Variants in LOC122539214 observed in about 807,000 individuals in gnomAD.
the LOC122539214 span, among the ~76,000 whole-genome samples, chr19:52,668,693 T>C: frequency 6.6e-6 from 1 of 152,154 alleles, no homozygotes; most frequent in East Asian, 1.9e-4. Flanking sequence ...AAGATGTAAA[T>C]GCCTGGCTAA....
the LOC122539214 span, among the ~76,000 whole-genome samples, chr19:52,689,484 T>C: frequency 6.6e-6 from 1 of 152,112 alleles, no homozygotes; most frequent in African/African-American, 2.4e-5. Context: ...CTCTGCTCTG[T>C]CTGCCCTGGC....
the LOC122539214 span, among the ~76,000 whole-genome samples, chr19:52,664,299 C>T: frequency 6.6e-6 from 1 of 151,648 alleles, no homozygotes; most frequent in African/African-American, 2.4e-5. Context: ...AGTTCGAGAC[C>T]AGCCTGGGCA....
chr19:52,659,677 G>T, the LOC122539214 span, among the ~76,000 whole-genome samples: 6 of 149,332 alleles, frequency 4.0e-5, no homozygotes, highest in Non-Finnish European at 8.9e-5. Flanking sequence ...GAACAGAAAA[G>T]CTTGTTGGAA....
At chr19:52,687,809 A>T in the LOC122539214 span, among the ~76,000 whole-genome samples, 1 of 149,174 alleles carries the variant, frequency 6.7e-6, no homozygotes, top group African/African-American at 2.5e-5. Context: ...CGAGTGATAC[A>T]GCCAGACCCT....
the LOC122539214 span, among the ~76,000 whole-genome samples, chr19:52,666,618 CAAAAAAAA>C: frequency 9.5e-6 from 1 of 105,802 alleles, no homozygotes; most frequent in African/African-American, 3.4e-5. Flanking sequence ...TATCCTAAGT[CAAAAAAAA>C]AAAAAAAAAA....
chr19:52,666,601 G>T, the LOC122539214 span, among the ~76,000 whole-genome samples: 1 of 115,044 alleles, frequency 8.7e-6, no homozygotes, highest in Non-Finnish European at 1.7e-5. Flanking sequence ...CCTCATCAAG[G>T]AAGAACTATC....
At chr19:52,671,423 G>A in the LOC122539214 span, among the ~76,000 whole-genome samples, 12 of 151,960 alleles carry the variant, frequency 7.9e-5, no homozygotes, top group Admixed American at 3.9e-4. Context: ...ATTAGAAAAT[G>A]TACCTTTTAT....
the LOC122539214 span, among the ~76,000 whole-genome samples, chr19:52,685,834 G>T: frequency 6.8e-6 from 1 of 146,952 alleles, no homozygotes; most frequent in African/African-American, 2.4e-5. Flanking sequence ...GGAGGCAAAT[G>T]TTTCTGCAAG....
At chr19:52,651,796 T>A in the LOC122539214 span, 370 of 154,224 alleles carry the variant, frequency 2.4e-3, no homozygotes, top group Non-Finnish European at 4.0e-3. Context: ...CTCAAACTGC[T>A]GACCTCAAGT....
At chr19:52,663,321 C>A in the LOC122539214 span, among the ~76,000 whole-genome samples, 2 of 152,110 alleles carry the variant, frequency 1.3e-5, no homozygotes. Context: ...CAATTGTGAA[C>A]CCCTAGCTAT....
chr19:52,683,972 G>A, the LOC122539214 span, among the ~76,000 whole-genome samples: 4 of 152,198 alleles, frequency 2.6e-5, no homozygotes, highest in Admixed American at 6.5e-5. Context: ...AGTGACTCCC[G>A]TCTGCAATTC....
At chr19:52,673,389 G>C in the LOC122539214 span, among the ~76,000 whole-genome samples, 6 of 152,110 alleles carry the variant, frequency 3.9e-5, no homozygotes, top group Non-Finnish European at 8.8e-5. Context: ...TGTAATCTCA[G>C]ATATTCAGGA....
chr19:52,663,640 T>G, the LOC122539214 span, among the ~76,000 whole-genome samples: 818 of 152,310 alleles, frequency 5.4e-3, 3 homozygotes, highest in African/African-American at 0.019. Flanking sequence ...TGAAACAACC[T>G]AAAATCATTT....
the LOC122539214 span, among the ~76,000 whole-genome samples, chr19:52,672,991 A>G: frequency 2.6e-5 from 4 of 151,244 alleles, no homozygotes; most frequent in African/African-American, 9.9e-5. Context: ...CAATGATTAA[A>G]TTGTACATAT....
chr19:52,653,651 A>G, the LOC122539214 span, among the ~76,000 whole-genome samples: 1 of 152,188 alleles, frequency 6.6e-6, no homozygotes, highest in Admixed American at 6.5e-5. Flanking sequence ...TTACACTTGT[A>G]AGGTTTTTCT....
the LOC122539214 span, chr19:52,655,133 G>A: frequency 6.3e-6 from 1 of 158,686 alleles, no homozygotes; most frequent in Non-Finnish European, 1.4e-5. Flanking sequence ...GTTGCAATGA[G>A]CTGAGATCAC....
At chr19:52,665,911 C>A in the LOC122539214 span, among the ~76,000 whole-genome samples, 5 of 151,910 alleles carry the variant, frequency 3.3e-5, no homozygotes, top group African/African-American at 1.2e-4. Flanking sequence ...CTGTAATCCC[C>A]CCACTTTGGG....
the LOC122539214 span, among the ~76,000 whole-genome samples, chr19:52,683,290 G>C: frequency 6.7e-6 from 1 of 149,418 alleles, no homozygotes; most frequent in Non-Finnish European, 1.5e-5. Flanking sequence ...GTATGCTCAC[G>C]TGTTGTGACA....
chr19:52,685,272 C>T, the LOC122539214 span, among the ~76,000 whole-genome samples: 17 of 152,050 alleles, frequency 1.1e-4, no homozygotes, highest in Non-Finnish European at 2.4e-4. Flanking sequence ...AGAGCGGGGA[C>T]ATTTTCACCG....
Sources: gnomAD v4.1 joint callset for allele counts (sites outside exome capture counted in the v4.1 genomes callset) on GRCh38, gnomAD v4.1.1 for gene constraint, MANE v1.5 for transcripts.